The following DIP2C variants were observed in gnomAD, a reference collection of about 807,000 sequenced individuals.
DIP2C encodes disco-interacting protein 2 homolog C.
A neutral mutation model predicts 192.4 loss-of-function variants in DIP2C; 33 were observed. The observed-to-expected ratio is 0.17, with a 90% confidence interval of 0.13 to 0.23. The LOEUF (loss-of-function observed/expected upper bound fraction) is 0.23. Among genes scored for constraint, DIP2C ranks in the 10% least tolerant of loss-of-function variants. The probability of loss-of-function intolerance (pLI) is 1.00; values close to 1 mark genes in which losing one functional copy is unlikely to be tolerated. For synonymous variants in DIP2C, 979 were observed against 864.1 expected (o/e 1.13, Z -2.33); for missense variants, 1,537 against 2,110.1 (o/e 0.73, Z 5.32).
intron 1 of DIP2C, among the ~76,000 whole-genome samples, chr10:558,480 C>T (rs890207171): frequency 6.6e-6 from 1 of 152,180 alleles, no homozygotes; most frequent in African/African-American, 2.4e-5. Flanking sequence ...CAAAGGCAGG[C>T]ACCCTCGATG....
At chr10:616,729 C>G (rs536043317) in intron 1 of DIP2C, among the ~76,000 whole-genome samples, 1 of 152,204 alleles carries the variant, frequency 6.6e-6, no homozygotes, top group Non-Finnish European at 1.5e-5. Flanking sequence ...ACCCTGTGTA[C>G]CTTCCTCAAA....
chr10:277,198 T>C lies in DIP2C; in HGVS notation c.*127A>G. On this transcript the variant is annotated 3_prime_UTR_variant, in exon 37 of 37. Transcript: ENST00000280886. ...GTGAGAAGTCCTCTTCCTCCTCCTC[T>C]TCCTCCTCCACTCTCACCACAAATG... 1 of 1,413,080 alleles carries C rather than the reference T, an allele frequency of 7.1e-7. No homozygotes were observed. 87.5% of individuals were successfully genotyped at this position (1,413,080 alleles called of 1,614,324 possible).
Position 279,640 on chromosome 10 carries a change from C to T in DIP2C, c.4418+1560G>A, listed in dbSNP as rs1356429391. On this transcript the variant is annotated intron_variant, in intron 36 of 36. Coordinates refer to ENST00000280886, the MANE Select transcript of DIP2C (RefSeq NM_014974.3). Reference sequence around the variant, plus strand: ...TCAGCATGGAGCAGCCGATGGTGGCCCCAAGGGGCAGTGCAGGGAGGCTGG... The same window carrying T: ...TCAGCATGGAGCAGCCGATGGTGGCTCCAAGGGGCAGTGCAGGGAGGCTGG... Among the ~76,000 whole-genome samples, 3 of 152,296 alleles carry T rather than the reference C, an allele frequency of 2.0e-5. No individual in the cohort carries two copies. In the East Asian group the frequency reaches 5.8e-4, roughly 29 times the overall value.
intron 1 of DIP2C, among the ~76,000 whole-genome samples, chr10:687,427 G>A (rs910078585): frequency 6.6e-6 from 1 of 152,186 alleles, no homozygotes; most frequent in Non-Finnish European, 1.5e-5. Context: ...AGGCCGGAGG[G>A]TGCAGAGAGG....
At chr10:527,570 A>T (rs1847125082) in intron 1 of DIP2C, among the ~76,000 whole-genome samples, 1 of 152,256 alleles carries the variant, frequency 6.6e-6, no homozygotes, top group South Asian at 2.1e-4. Context: ...ACCGATTACA[A>T]ATGTACTACA....
chr10:545,166 C>CCCTTTTTTTT (rs1554896881), intron 1 of DIP2C, among the ~76,000 whole-genome samples: 6 of 86,344 alleles, frequency 6.9e-5, no homozygotes, highest in African/African-American at 3.4e-4. Flanking sequence ...GGTGTTTTCC[C>CCCTTTTTTTT]TTTTTTTTTT....
intron 1 of DIP2C, among the ~76,000 whole-genome samples, chr10:537,435 T>C (rs1359559116): frequency 6.6e-6 from 1 of 152,194 alleles, no homozygotes; most frequent in Non-Finnish European, 1.5e-5. Context: ...TCCTTTCAAT[T>C]CGCCTCTTTT....
intron 1 of DIP2C, among the ~76,000 whole-genome samples, chr10:675,342 TTAAAA>T (rs1330718799): frequency 1.3e-5 from 2 of 149,084 alleles, no homozygotes; most frequent in Non-Finnish European, 3.0e-5. Flanking sequence ...AAAAAAAGAT[TTAAAA>T]TAAACAACCT....
At position 652,718 on chromosome 10, in the gene DIP2C, T is replaced by G. The variant is rs1019028321; in HGVS notation, c.85+36776A>C. On this transcript the variant is annotated intron_variant, in intron 1 of 36. Transcript: ENST00000280886. The surrounding 1 kb of genome is among the most constrained non-coding windows in gnomAD (Gnocchi z 4.5). The stretch of plus-strand genomic sequence containing the variant: ...ATCCCACTTCCCGGTGCTGACCCCA[T>G]GAGAACACTTTGTGCGTCTTTCTAG... 1.5e-4 allele frequency: 23 copies of G among 152,164 alleles called. No homozygotes were observed. Among genetic ancestry groups the G allele is most frequent in the African/African-American group, 5.6e-4 (23 of 41,368 alleles). 9.4% of individuals were successfully genotyped at this position (152,164 alleles called of 1,614,324 possible).
chr10:354,220 T>TAC (rs958463764), intron 24 of DIP2C, among the ~76,000 whole-genome samples: 8 of 152,238 alleles, frequency 5.3e-5, no homozygotes, highest in African/African-American at 1.9e-4. Context: ...CTCTGATCCC[T>TAC]ACATCTGGCC....
chr10:614,845 ACGT>A (rs1853341234), intron 1 of DIP2C, among the ~76,000 whole-genome samples: 1 of 152,220 alleles, frequency 6.6e-6, no homozygotes, highest in Non-Finnish European at 1.5e-5. Context: ...CTGATCCAAC[ACGT>A]CATCATAAGG....
At chr10:615,632 C>A (rs968674999) in intron 1 of DIP2C, among the ~76,000 whole-genome samples, 17 of 151,534 alleles carry the variant, frequency 1.1e-4, no homozygotes, top group African/African-American at 4.1e-4. Flanking sequence ...CACACCCGCC[C>A]CACACACACA....
intron 16 of DIP2C, 59 bp downstream of exon 16, chr10:383,968 A>G (rs1030714774): frequency 1.3e-5 from 17 of 1,352,400 alleles, no homozygotes; most frequent in Admixed American, 9.9e-5. Flanking sequence ...CTCACGAAAA[A>G]AAAAAAAAAA....
chr10:339,386 T>G (rs1171168808), intron 29 of DIP2C, among the ~76,000 whole-genome samples: 1 of 152,164 alleles, frequency 6.6e-6, no homozygotes, highest in Non-Finnish European at 1.5e-5. Flanking sequence ...TTAGTAACAT[T>G]TTGCAGGAAA....
intron 1 of DIP2C, among the ~76,000 whole-genome samples, chr10:688,767 C>A (rs1241273216): frequency 1.3e-5 from 2 of 152,260 alleles, no homozygotes; most frequent in African/African-American, 4.8e-5. Context: ...CTCCATAAGA[C>A]CGCGGTGGCT....
intron 1 of DIP2C, among the ~76,000 whole-genome samples, chr10:520,627 T>TG: frequency 6.6e-6 from 1 of 152,212 alleles, no homozygotes; most frequent in East Asian, 1.9e-4. Flanking sequence ...CTCCCTGCTC[T>TG]GCCTGCAGCT....
chr10:447,861 A>G (rs77734528), intron 3 of DIP2C, among the ~76,000 whole-genome samples: 1 of 107,076 alleles, frequency 9.3e-6, no homozygotes, highest in Non-Finnish European at 1.7e-5. Flanking sequence ...AGCAGGACCC[A>G]CTCATTCCCA....
At chr10:582,785 A>G (rs1263888127) in intron 1 of DIP2C, among the ~76,000 whole-genome samples, 10 of 152,166 alleles carry the variant, frequency 6.6e-5, no homozygotes, top group African/African-American at 1.2e-4. Context: ...TGGTTTAAAT[A>G]TAGTGGAATC....
chr10:380,651 TA>T lies in DIP2C; in HGVS notation c.1991+1995del, dbSNP rs199514712. 1.1e-3 allele frequency among the ~76,000 whole-genome samples: 175 copies of T among 152,320 alleles called. No homozygotes were observed. The East Asian group carries it at 0.013, about 11-fold the overall frequency. On this transcript the variant is annotated intron_variant, in intron 17 of 36. Coordinates refer to ENST00000280886, the MANE Select transcript of DIP2C (RefSeq NM_014974.3). Reference sequence around the variant, plus strand: ...ACTTGTCTTTCTTCTTTAAAAAACATAAGGAGTAAATAAAATGAGATCGCTG... The same window carrying T: ...ACTTGTCTTTCTTCTTTAAAAAACATAGGAGTAAATAAAATGAGATCGCTG...
Sources: gnomAD v4.1 joint callset for allele counts (sites outside exome capture counted in the v4.1 genomes callset) on GRCh38, gnomAD v4.1.1 for gene constraint, Gnocchi (gnomAD v3.1) non-coding constraint, MANE v1.5 for transcripts, NCBI Gene and HGNC (gene_info 2026-07-23, HGNC 2026-07-21) for gene names.